Variants in ADAMTS6 observed in about 807,000 individuals in gnomAD.
The protein encoded by ADAMTS6 is ADAM metallopeptidase with thrombospondin type 1 motif 6.
In ADAMTS6, 23 loss-of-function variants were observed where a neutral mutation model predicts 144.3. That is an observed-to-expected ratio of 0.16 (90% CI 0.11 to 0.23). The LOEUF (loss-of-function observed/expected upper bound fraction) is 0.23, where lower values mean the gene tolerates loss of function less well. Among genes scored for constraint, ADAMTS6 ranks in the 10% least tolerant of loss-of-function variants. ADAMTS6 has a pLI of 1.00. For synonymous variants in ADAMTS6, 444 were observed against 457.5 expected (o/e 0.97, Z 0.38); for missense variants, 999 against 1,379.6 (o/e 0.72, Z 4.37).
intron 7 of ADAMTS6, among the ~76,000 whole-genome samples, chr5:65,376,167 C>A (rs1001617794): frequency 6.6e-6 from 1 of 151,952 alleles, no homozygotes; most frequent in South Asian, 2.1e-4. Context: ...TGCTAGATGA[C>A]GAGTTAGTGG....
chr5:65,263,683 C>T (rs145108736), intron 12 of ADAMTS6, among the ~76,000 whole-genome samples: 194 of 152,288 alleles, frequency 1.3e-3, no homozygotes, highest in African/African-American at 4.5e-3. Context: ...GAGACACAGA[C>T]ATCACAAAAT....
intron 20 of ADAMTS6, among the ~76,000 whole-genome samples, chr5:65,202,358 G>A (rs1755792852): frequency 6.6e-6 from 1 of 152,176 alleles, no homozygotes; most frequent in Admixed American, 6.5e-5. Flanking sequence ...CGTATACTGA[G>A]CTTATCCCTG....
intron 14 of ADAMTS6, among the ~76,000 whole-genome samples, chr5:65,245,788 T>C (rs1416901493): frequency 6.6e-6 from 1 of 152,096 alleles, no homozygotes; most frequent in Non-Finnish European, 1.5e-5. Context: ...CTGTGCATTA[T>C]AGTGTGAGAG....
chr5:65,369,987 A>G (rs1010621466), intron 7 of ADAMTS6, among the ~76,000 whole-genome samples: 1 of 151,994 alleles, frequency 6.6e-6, no homozygotes, highest in Non-Finnish European at 1.5e-5. Context: ...GGAAATAAAG[A>G]TTACTCATTA....
In ADAMTS6 at chr5:65,210,489, G is replaced by A. The variant is rs113016136; in HGVS notation, c.2575+4305C>T. 9.3e-4 allele frequency: 273 copies of A among 295,072 alleles called. 1 individual carries two copies. Among genetic ancestry groups the A allele is most frequent in the African/African-American group, 5.3e-3 (239 of 44,690 alleles). The allele number at this position is 295,072 out of a possible 1,614,324, so 18.3% of individuals were successfully genotyped here. ...AAAAAAAGATCTATGAAGGCCAAGC[G>A]GAGTTGATTGGAGATGAATATAATG... is the stretch of plus-strand genomic sequence containing the variant. On this transcript the variant is annotated intron_variant, in intron 20 of 24. Coordinates refer to ENST00000381055, the MANE Select transcript of ADAMTS6 (RefSeq NM_197941.4).
intron 9 of ADAMTS6, among the ~76,000 whole-genome samples, chr5:65,326,081 A>G (rs1735142523): frequency 1.3e-5 from 2 of 152,096 alleles, no homozygotes; most frequent in Admixed American, 1.3e-4. Context: ...ACATACTTCA[A>G]TATGCATTCA....
At chr5:65,428,326 T>A (rs1213495042) in intron 7 of ADAMTS6, among the ~76,000 whole-genome samples, 1 of 152,118 alleles carries the variant, frequency 6.6e-6, no homozygotes, top group African/African-American at 2.4e-5. Flanking sequence ...ACAGGTTCAC[T>A]TTAAAAGCTC....
intron 7 of ADAMTS6, among the ~76,000 whole-genome samples, chr5:65,339,424 C>G (rs966805270): frequency 1.5e-5 from 2 of 135,630 alleles, no homozygotes; most frequent in African/African-American, 5.7e-5. Context: ...GCACAGAAAT[C>G]AATATGGGAA....
At chr5:65,443,093 G>A (rs1419589502) in intron 7 of ADAMTS6, among the ~76,000 whole-genome samples, 1 of 152,048 alleles carries the variant, frequency 6.6e-6, no homozygotes, top group Non-Finnish European at 1.5e-5. Flanking sequence ...TGAGCATTTG[G>A]GTTGATTCTA....
intron 7 of ADAMTS6, among the ~76,000 whole-genome samples, chr5:65,390,954 G>GTCT (rs1752862762): frequency 7.1e-6 from 1 of 141,260 alleles, no homozygotes; most frequent in Non-Finnish European, 1.6e-5. Flanking sequence ...TTTTTTGAGG[G>GTCT]TTTTTTTTTT....
At chr5:65,331,219 T>A (rs1419555829) in intron 8 of ADAMTS6, among the ~76,000 whole-genome samples, 1 of 152,082 alleles carries the variant, frequency 6.6e-6, no homozygotes, top group African/African-American at 2.4e-5. Flanking sequence ...AAAAGCAGAA[T>A]TACTAAGAAT....
chr5:65,261,461 G>T (rs1331610165), intron 13 of ADAMTS6, among the ~76,000 whole-genome samples: 7 of 151,968 alleles, frequency 4.6e-5, no homozygotes, highest in Non-Finnish European at 1.0e-4. Context: ...TTATCACAGG[G>T]TTTTTTATAC....
chr5:65,357,437 T>C (rs1749422686), intron 7 of ADAMTS6, among the ~76,000 whole-genome samples: 1 of 150,896 alleles, frequency 6.6e-6, no homozygotes, highest in Admixed American at 6.6e-5. Flanking sequence ...AAAACCAATT[T>C]TGCACCCCAA....
intron 7 of ADAMTS6, among the ~76,000 whole-genome samples, chr5:65,420,458 C>T (rs936569063): frequency 2.5e-4 from 38 of 152,018 alleles, no homozygotes; most frequent in Non-Finnish European, 2.6e-4. Context: ...CTCAGCTCAC[C>T]GCAACCTCCG....
intron 7 of ADAMTS6, among the ~76,000 whole-genome samples, chr5:65,378,450 T>C (rs982053193): frequency 2.6e-5 from 4 of 152,170 alleles, no homozygotes; most frequent in African/African-American, 9.7e-5. Context: ...AATTGACCTC[T>C]CTACTTCCAG....
At chr5:65,425,344 C>G (rs1756419707) in intron 7 of ADAMTS6, among the ~76,000 whole-genome samples, 1 of 152,124 alleles carries the variant, frequency 6.6e-6, no homozygotes, top group Non-Finnish European at 1.5e-5. Flanking sequence ...TAAAGTTTTA[C>G]TTTTTGAATG....
At chr5:65,155,398 G>GTA (rs1294116424) in intron 24 of ADAMTS6, among the ~76,000 whole-genome samples, 26 of 152,204 alleles carry the variant, frequency 1.7e-4, no homozygotes, top group Non-Finnish European at 4.4e-5. Context: ...GGGCTACATG[G>GTA]TATAGCCTAT....
chr5:65,196,545 A>C (rs1340156612), intron 21 of ADAMTS6, among the ~76,000 whole-genome samples: 2 of 144,464 alleles, frequency 1.4e-5, no homozygotes, highest in Non-Finnish European at 3.0e-5. Context: ...AAAAAAAAAA[A>C]AAAAAAAGAG....
intron 22 of ADAMTS6, among the ~76,000 whole-genome samples, chr5:65,183,550 G>C (rs1015103622): frequency 6.6e-6 from 1 of 151,908 alleles, no homozygotes; most frequent in East Asian, 1.9e-4. Context: ...TATCGACTGG[G>C]GGTCTTGGAA....
Sources: allele counts gnomAD v4.1 joint callset (sites outside exome capture counted in the v4.1 genomes callset), GRCh38; gene constraint gnomAD v4.1.1; transcripts MANE v1.5; gene names NCBI Gene and HGNC (gene_info 2026-07-23, HGNC 2026-07-21).